Variants in CFAP43 observed in about 807,000 individuals in gnomAD.
The protein encoded by CFAP43 is cilia and flagella associated protein 43.
A neutral mutation model predicts 218.9 loss-of-function variants in CFAP43; 155 were observed. The observed-to-expected ratio is 0.71, with a 90% confidence interval of 0.62 to 0.81. The LOEUF (loss-of-function observed/expected upper bound fraction) is 0.81. Ranked by LOEUF, CFAP43 falls within the 30% of genes least tolerant of loss-of-function variation. The pLI is 0.00. For synonymous variants in CFAP43, 645 were observed against 681.3 expected, an observed-to-expected ratio of 0.95 and a Z score of 0.83; for missense variants, 1,778 against 1,954.3, an observed-to-expected ratio of 0.91 and a Z score of 1.70.
chr10:104,190,575 A>G (rs2090179137), intron 12 of CFAP43, among the ~76,000 whole-genome samples: 1 of 152,240 alleles, frequency 6.6e-6, no homozygotes, highest in Admixed American at 6.5e-5. Context: ...TAAGCTAAAT[A>G]TGCCCAAATG....
intron 20 of CFAP43, among the ~76,000 whole-genome samples, chr10:104,170,254 C>G (rs1425289407): frequency 6.6e-6 from 1 of 151,998 alleles, no homozygotes; most frequent in African/African-American, 2.4e-5. Context: ...TTTCTCTGCA[C>G]CAAATCCTGC....
At chr10:104,218,954 C>A (rs989557768) in intron 3 of CFAP43, 2 of 426,176 alleles carry the variant, frequency 4.7e-6, no homozygotes, top group African/African-American at 2.1e-5. Flanking sequence ...CGTGCCCAGA[C>A]AACTGCATGT....
Position 104,230,469 on chromosome 10 carries a change from C to G in CFAP43, c.319+121G>C, listed in dbSNP as rs1034273104. On this transcript the variant is annotated intron_variant, in intron 2 of 37. Coordinates refer to ENST00000357060, the MANE Select transcript of CFAP43 (RefSeq NM_025145.7). ...AACAGGGCAAAACTCCATCTCAAAA[C>G]AAACACAAAAAACAAACAAAAAAAA... 1.6e-5 allele frequency: 22 copies of G among 1,337,594 alleles called. No individual in the cohort carries two copies. In the African/African-American group the frequency reaches 1.8e-4, roughly 11 times the overall value. 82.9% of individuals were successfully genotyped at this position (1,337,594 alleles called of 1,614,324 possible). A position where few individuals can be genotyped will look rare whatever the true frequency, so the allele number is the denominator to read the frequency against.
chr10:104,149,259 T>C (rs1408001358), intron 28 of CFAP43, among the ~76,000 whole-genome samples: 1 of 152,214 alleles, frequency 6.6e-6, no homozygotes, highest in Non-Finnish European at 1.5e-5. Context: ...GAGACATATA[T>C]CATCTGATTG....
At chr10:104,145,025 G>C (rs976340312) in intron 31 of CFAP43, among the ~76,000 whole-genome samples, 1 of 152,150 alleles carries the variant, frequency 6.6e-6, no homozygotes, top group Non-Finnish European at 1.5e-5. Context: ...TGCAGTAAAA[G>C]AAAAGCTGCT....
chr10:104,162,254 C>G (rs1010289264), intron 25 of CFAP43, 63 bp downstream of exon 25: 2 of 1,504,754 alleles, frequency 1.3e-6, no homozygotes, highest in Admixed American at 1.7e-5. Flanking sequence ...TTAAACCAAA[C>G]TAGGAAGCAG....
At position 104,211,983 on chromosome 10, in the gene CFAP43, CA is replaced by C. The variant is rs768630386; in HGVS notation, c.735+23del. On this transcript the variant is annotated intron_variant, in intron 5 of 37. Transcript: ENST00000357060. Reference sequence around the variant, plus strand: ...CCTAGACCTCAACCCATTAGGCAAACAGGAAGAGGTGCCAGGTAATTACCCG... The same window carrying C: ...CCTAGACCTCAACCCATTAGGCAAACGGAAGAGGTGCCAGGTAATTACCCG... 2.5e-6 allele frequency: 4 copies of C among 1,606,090 alleles called. No individual in the cohort carries two copies. The Admixed American group carries it at 6.7e-5, about 27-fold the overall frequency.
intron 1 of CFAP43, among the ~76,000 whole-genome samples, chr10:104,231,066 G>A (rs1446892168): frequency 6.6e-6 from 1 of 152,046 alleles, no homozygotes; most frequent in Non-Finnish European, 1.5e-5. Flanking sequence ...GGTCTCCCAG[G>A]CCTTCTTCAG....
intron 3 of CFAP43, among the ~76,000 whole-genome samples, chr10:104,218,215 G>A (rs1055043542): frequency 6.6e-6 from 1 of 151,936 alleles, no homozygotes; most frequent in Admixed American, 6.6e-5. Context: ...GGGCGTGGTG[G>A]CGGGTGCCTG....
At chr10:104,131,547 A>G in intron 36 of CFAP43, 63 bp from the exon 37 acceptor site, 1 of 1,503,418 alleles carries the variant, frequency 6.7e-7, no homozygotes, top group African/African-American at 1.4e-5. Flanking sequence ...TTTATCCTAT[A>G]AAGACATTAT....
intron 26 of CFAP43, among the ~76,000 whole-genome samples, 182 bp downstream of exon 26, chr10:104,161,779 T>C (rs1185970803): frequency 1.3e-5 from 2 of 152,100 alleles, no homozygotes; most frequent in Non-Finnish European, 2.9e-5. Flanking sequence ...GTGCTGGGAT[T>C]ACAAGCATAA....
At chr10:104,175,099 C>CAA (rs897580888) in intron 19 of CFAP43, among the ~76,000 whole-genome samples, 94 of 147,444 alleles carry the variant, frequency 6.4e-4, no homozygotes, top group African/African-American at 2.2e-3. Flanking sequence ...AAAAAAAAAC[C>CAA]AAAAAGAAAA....
In CFAP43 at chr10:104,166,455, A is replaced by G. The variant is rs1221707365; in HGVS notation, c.3039+33T>C. ...GAAAGCCACCTAATGGGGAGTCTAG[A>G]GATTTTTCAGGATAAAAAGAAAATT... On this transcript the variant is annotated intron_variant, in intron 23 of 37. Transcript: ENST00000357060. 2.0e-6 allele frequency: 3 copies of G among 1,537,812 alleles called. No individual in the cohort carries two copies. The South Asian group carries it at 3.5e-5, about 18-fold the overall frequency.
At chr10:104,135,763 G>T (rs1004393650) in intron 34 of CFAP43, among the ~76,000 whole-genome samples, 35 of 150,906 alleles carry the variant, frequency 2.3e-4, no homozygotes, top group African/African-American at 8.2e-4. Flanking sequence ...TGGATCAAAA[G>T]ACTTAAGACA....
intron 27 of CFAP43, among the ~76,000 whole-genome samples, chr10:104,158,984 A>G (rs547752833): frequency 2.6e-5 from 4 of 152,184 alleles, no homozygotes; most frequent in Non-Finnish European, 5.9e-5. Flanking sequence ...TGTAACATTT[A>G]TGTACATTTG....
At position 104,232,217 on chromosome 10, in the gene CFAP43, G is replaced by C. The variant is rs1291605267; in HGVS notation, c.30C>G (p.Gly10=). The change falls in exon 1 of 38, where the codon GGC becomes GGG. Residue 10 remains glycine (G), a synonymous_variant. Transcript: ENST00000357060. The stretch of plus-strand genomic sequence containing the variant: ...AGGACGCGCCGCCGGCGGAGTGGGG[G>C]CCTTCGTCGCGCTCCCGGCCTTGCG... MAQGRERDE[G]PHSAGGASLS... The C allele has an allele frequency of 1.2e-6, 2 of 1,609,062 alleles. No homozygotes were observed. Among genetic ancestry groups the C allele is most frequent in the Non-Finnish European group, 1.7e-6 (2 of 1,178,538 alleles).
At chr10:104,168,588 CAG>C (rs2134835493) in intron 21 of CFAP43, among the ~76,000 whole-genome samples, 154 bp downstream of exon 21, 1 of 152,318 alleles carries the variant, frequency 6.6e-6, no homozygotes, top group South Asian at 2.1e-4. Flanking sequence ...AACCAAGAGA[CAG>C]GGACACATCC....
chr10:104,156,599 G>A (rs1332525954), intron 27 of CFAP43, among the ~76,000 whole-genome samples: 1 of 152,136 alleles, frequency 6.6e-6, no homozygotes, highest in African/African-American at 2.4e-5. Context: ...ACCAAAAAGT[G>A]GGGATTGAGT....
At chr10:104,185,273 G>T in intron 15 of CFAP43, 127 bp from the exon 16 acceptor site, 2 of 1,235,184 alleles carry the variant, frequency 1.6e-6, no homozygotes, top group Non-Finnish European at 2.3e-6. Flanking sequence ...ATTTTAATTG[G>T]TATGGAAGTA....
Sources: gnomAD v4.1 joint callset for allele counts (sites outside exome capture counted in the v4.1 genomes callset) on GRCh38, gnomAD v4.1.1 for gene constraint, MANE v1.5 for transcripts, NCBI Gene and HGNC (gene_info 2026-07-23, HGNC 2026-07-21) for gene names.